Variants in PCDHA5 observed in about 807,000 individuals in gnomAD.
PCDHA5 encodes the protein protocadherin alpha 5.
A neutral mutation model predicts 61.6 loss-of-function variants in PCDHA5; 43 were observed. That is an observed-to-expected ratio of 0.70 (90% CI 0.55 to 0.90). The LOEUF (loss-of-function observed/expected upper bound fraction) is 0.90. PCDHA5 is among the 40% of genes least tolerant of loss of function. The probability of loss-of-function intolerance (pLI) is 0.00; values close to 1 mark genes in which losing one functional copy is unlikely to be tolerated. For synonymous variants in PCDHA5, 627 were observed against 543.9 expected, an observed-to-expected ratio of 1.15 and a Z score of -2.13; for missense variants, 1,298 against 1,222.7, an observed-to-expected ratio of 1.06 and a Z score of -0.92.
At chr5:140,925,556 T>C (rs1421287870) in intron 1 of PCDHA5, among the ~76,000 whole-genome samples, 2 of 151,752 alleles carry the variant, frequency 1.3e-5, no homozygotes, top group African/African-American at 4.8e-5. Flanking sequence ...AAATGACAAG[T>C]TAATGGGTGC....
intron 1 of PCDHA5, chr5:140,849,964 T>C: frequency 6.3e-7 from 1 of 1,597,810 alleles, no homozygotes; most frequent in African/African-American, 1.3e-5. Flanking sequence ...AACGCCCTGG[T>C]GTCCTACTCG....
Position 140,841,228 on chromosome 5 carries a change from G to A in PCDHA5, c.2352+17101G>A. On this transcript the variant is annotated intron_variant, in intron 1 of 3. Coordinates refer to ENST00000529859, the MANE Select transcript of PCDHA5 (RefSeq NM_018908.3). ...TCTGTCTCTAAAGGCCGAACAACGG[G>A]AGATGCAGCGGAATTGGATTAAAAG... The A allele has an allele frequency of 7.6e-6, 11 of 1,455,732 alleles. 1 individual carries two copies. In the South Asian group the frequency reaches 1.2e-4, roughly 17 times the overall value. The allele number at this position is 1,455,732 out of a possible 1,614,324, so 90.2% of individuals were successfully genotyped here.
intron 1 of PCDHA5, chr5:140,841,712 C>T (rs1444200684): frequency 9.9e-6 from 16 of 1,613,754 alleles, no homozygotes; most frequent in Non-Finnish European, 1.4e-5. Flanking sequence ...TGACAACCCG[C>T]CAGTGTTCCG....
rs1274160852 is a variant in PCDHA5, at chr5:140,922,009, TA to T, written c.2353-56933del. On this transcript the variant is annotated intron_variant, in intron 1 of 3. Coordinates refer to ENST00000529859, the MANE Select transcript of PCDHA5 (RefSeq NM_018908.3). ...AAAGAGTTCAATGAAATGATTAGTTTAAAAAAATAAATATAAAAAATGTAAT... is the reference window on the plus strand; with the variant it reads ...AAAGAGTTCAATGAAATGATTAGTTTAAAAAATAAATATAAAAAATGTAAT... 1.3e-5 allele frequency among the ~76,000 whole-genome samples: 2 copies of T among 152,076 alleles called. 1 individual carries two copies. The highest frequency in any genetic ancestry group is 4.8e-5 in the African/African-American group (2 of 41,508).
intron 1 of PCDHA5, among the ~76,000 whole-genome samples, chr5:140,846,656 G>C (rs1291638062): frequency 6.7e-6 from 1 of 149,228 alleles, no homozygotes; most frequent in East Asian, 1.9e-4. Context: ...TTACAGGCAT[G>C]AGCCACCGCG....
chr5:141,011,237 A>G lies in PCDHA5; in HGVS notation c.*1300A>G, dbSNP rs562746586. Reference sequence around the variant, plus strand: ...GATTTTTCAATCTACTAATTCTGTGACTTGTCTTGGTGTGCTAGCCTACAC... The same window carrying G: ...GATTTTTCAATCTACTAATTCTGTGGCTTGTCTTGGTGTGCTAGCCTACAC... On this transcript the variant is annotated 3_prime_UTR_variant, in exon 4 of 4. Transcript: ENST00000529859. The G allele has an allele frequency of 6.5e-6, 1 of 153,754 alleles. No homozygotes were observed. Among genetic ancestry groups the G allele is most frequent in the South Asian group, 2.1e-4 (1 of 4,812 alleles). The allele number at this position is 153,754 out of a possible 1,614,324, so 9.5% of individuals were successfully genotyped here.
At chr5:140,828,068 G>A (rs1448690269) in intron 1 of PCDHA5, 1 of 1,561,610 alleles carries the variant, frequency 6.4e-7, no homozygotes, top group African/African-American at 1.4e-5. Context: ...TCTTCTAATG[G>A]AAATAAAACC....
At chr5:140,927,596 G>C in intron 1 of PCDHA5, 3 of 1,614,162 alleles carry the variant, frequency 1.9e-6, no homozygotes, top group Non-Finnish European at 2.5e-6. Flanking sequence ...GTATTTGAGC[G>C]CTCCGTATAC....
At chr5:140,870,771 C>G (rs370490786) in intron 1 of PCDHA5, 13 of 1,613,466 alleles carry the variant, frequency 8.1e-6, no homozygotes, top group Non-Finnish European at 1.1e-5. Context: ...TCGTGCTGGA[C>G]GAGAACGACA....
At chr5:140,986,694 C>T (rs556228464) in intron 3 of PCDHA5, among the ~76,000 whole-genome samples, 1 of 152,266 alleles carries the variant, frequency 6.6e-6, no homozygotes, top group South Asian at 2.1e-4. Context: ...TTTCAAAACA[C>T]ACAGCACTGC....
chr5:140,947,229 GA>G lies in PCDHA5; in HGVS notation c.2353-31711del, dbSNP rs201242412. On this transcript the variant is annotated intron_variant, in intron 1 of 3. Transcript: ENST00000529859. ...AAGAAAATCCTGTCATTTATGACAGGAAAAAAAAATAAGATAATCCAATGTA... is the reference window on the plus strand; with the variant it reads ...AAGAAAATCCTGTCATTTATGACAGGAAAAAAAATAAGATAATCCAATGTA... 1.0e-3 allele frequency among the ~76,000 whole-genome samples: 154 copies of G among 148,902 alleles called. 1 individual carries two copies. The highest frequency in any genetic ancestry group is 8.9e-3 in the Admixed American group (133 of 14,994).
chr5:140,958,997 A>C (rs1356032687), intron 1 of PCDHA5, among the ~76,000 whole-genome samples: 1 of 152,076 alleles, frequency 6.6e-6, no homozygotes, highest in African/African-American at 2.4e-5. Context: ...CTAATCTTTT[A>C]CTGTACCTAA....
intron 1 of PCDHA5, chr5:140,877,508 C>T (rs892674985): frequency 2.5e-6 from 4 of 1,613,808 alleles, no homozygotes; most frequent in Non-Finnish European, 2.5e-6. Context: ...CCAAAGACGT[C>T]GTCGCGGGCC....
At chr5:140,927,721 C>G in intron 1 of PCDHA5, 1 of 1,614,204 alleles carries the variant, frequency 6.2e-7, no homozygotes, top group Non-Finnish European at 8.5e-7. Flanking sequence ...CAACAGCACG[C>G]AAGCAGAGCT....
intron 1 of PCDHA5, chr5:140,828,964 C>A: frequency 6.2e-7 from 1 of 1,614,150 alleles, no homozygotes. Flanking sequence ...TGGTTATTGA[C>A]CACTTTAGCA....
chr5:140,945,828 A>T (rs2093847646), intron 1 of PCDHA5, among the ~76,000 whole-genome samples: 1 of 152,176 alleles, frequency 6.6e-6, no homozygotes, highest in Admixed American at 6.5e-5. Flanking sequence ...TACAAAAGTC[A>T]ACTCAAAATG....
At chr5:140,828,560 G>A (rs2150156766) in intron 1 of PCDHA5, 3 of 1,614,092 alleles carry the variant, frequency 1.9e-6, no homozygotes, top group African/African-American at 1.3e-5. Flanking sequence ...ACTGGAGGGC[G>A]CGTCCGATGC....
At chr5:140,989,802 G>C (rs2153885493) in intron 3 of PCDHA5, among the ~76,000 whole-genome samples, 2 of 152,336 alleles carry the variant, frequency 1.3e-5, no homozygotes, top group South Asian at 4.1e-4. Flanking sequence ...CCAGGAAAGG[G>C]CCATAAGATT....
intron 1 of PCDHA5, among the ~76,000 whole-genome samples, chr5:140,932,569 C>T (rs58622542): frequency 0.013 from 2,018 of 151,826 alleles, 38 homozygotes; most frequent in African/African-American, 0.046. Flanking sequence ...GTAGACTTTC[C>T]CATAGGGTAA....
Sources: gnomAD v4.1 joint callset for allele counts (sites outside exome capture counted in the v4.1 genomes callset) on GRCh38, gnomAD v4.1.1 for gene constraint, MANE v1.5 for transcripts, NCBI Gene and HGNC (gene_info 2026-07-23, HGNC 2026-07-21) for gene names.